Variants in GXYLT2 observed in about 807,000 individuals in gnomAD.
The protein encoded by GXYLT2 is glucoside xylosyltransferase 2, also known as glycosyltransferase 8 domain containing 4.
GXYLT2 carries 53 observed loss-of-function variants against 45.8 expected under a neutral mutation model. The observed-to-expected ratio is 1.16, with a 90% CI of 0.93 to 1.46. The LOEUF (loss-of-function observed/expected upper bound fraction) is 1.46, where lower values mean the gene tolerates loss of function less well. GXYLT2 is among the 40% of genes most tolerant of loss of function. GXYLT2 has a pLI of 0.00. For missense variants in GXYLT2, 551 were observed against 544.4 expected (o/e 1.01, Z -0.12); for synonymous variants, 219 against 214.2 (o/e 1.02, Z -0.19).
intron 2 of GXYLT2, among the ~76,000 whole-genome samples, chr3:72,914,982 G>T (rs148062002): frequency 0.011 from 1,671 of 152,080 alleles, 40 homozygotes; most frequent in African/African-American, 0.038. Flanking sequence ...GTTTGAGCCC[G>T]TCTCTACTAA....
At chr3:72,897,070 G>A (rs999758727) in intron 1 of GXYLT2, among the ~76,000 whole-genome samples, 2 of 152,060 alleles carry the variant, frequency 1.3e-5, no homozygotes, top group African/African-American at 4.8e-5. Context: ...AATATGCCAC[G>A]TACCTTATTA....
At chr3:72,900,224 T>C (rs4274693) in intron 1 of GXYLT2, among the ~76,000 whole-genome samples, 44,347 of 152,130 alleles carry the variant, frequency 0.29, 6,900 homozygotes, top group Non-Finnish European at 0.34. Context: ...AAGTCGCACG[T>C]TTGAGACTTT....
intron 3 of GXYLT2, among the ~76,000 whole-genome samples, chr3:72,943,755 G>A (rs776681480): frequency 1.7e-4 from 26 of 152,196 alleles, no homozygotes; most frequent in Admixed American, 4.6e-4. Context: ...GTCCAGTTCT[G>A]TGGCATTAAG....
chr3:72,944,019 TA>T lies in GXYLT2; in HGVS notation c.601-11078del, dbSNP rs552196599. 5.9e-5 allele frequency among the ~76,000 whole-genome samples: 9 copies of T among 152,312 alleles called. No individual in the cohort carries two copies. In the East Asian group the frequency reaches 1.5e-3, roughly 26 times the overall value. ...TTTCTTTAGTTATAATTTGATTTTT[TA>T]TACATCAAGACTGTGACTTTCTGAT... On this transcript the variant is annotated intron_variant, in intron 3 of 6. Coordinates refer to ENST00000389617, the MANE Select transcript of GXYLT2 (RefSeq NM_001080393.2).
At chr3:72,900,518 G>A (rs1709383843) in intron 1 of GXYLT2, among the ~76,000 whole-genome samples, 1 of 151,926 alleles carries the variant, frequency 6.6e-6, no homozygotes, top group Admixed American at 6.6e-5. Context: ...CAGTTCAAGC[G>A]ATTCTCCTGC....
intron 3 of GXYLT2, among the ~76,000 whole-genome samples, chr3:72,940,018 C>T (rs1004289636): frequency 2.0e-5 from 3 of 152,012 alleles, no homozygotes; most frequent in African/African-American, 7.3e-5. Flanking sequence ...AATGGCCAGG[C>T]GCTGTGGCTC....
chr3:72,959,375 C>T (rs1311400728), intron 5 of GXYLT2, among the ~76,000 whole-genome samples: 1 of 151,804 alleles, frequency 6.6e-6, no homozygotes, highest in Non-Finnish European at 1.5e-5. Flanking sequence ...GCCTCGGCCT[C>T]CCAAAGTGTT....
intron 6 of GXYLT2, among the ~76,000 whole-genome samples, chr3:72,972,930 T>C (rs1426439406): frequency 1.3e-5 from 2 of 151,484 alleles, no homozygotes; most frequent in African/African-American, 4.9e-5. Flanking sequence ...CTTTGCCTCT[T>C]TAGGAAAAAA....
chr3:72,932,614 A>T (rs1020551821), intron 3 of GXYLT2, among the ~76,000 whole-genome samples: 3 of 152,220 alleles, frequency 2.0e-5, no homozygotes, highest in Non-Finnish European at 4.4e-5. Flanking sequence ...TTACCACAAG[A>T]GAGTGGCTCT....
chr3:72,974,241 A>T (rs1480765949), intron 6 of GXYLT2, among the ~76,000 whole-genome samples: 5 of 152,210 alleles, frequency 3.3e-5, no homozygotes, highest in Non-Finnish European at 5.9e-5. Context: ...GACGTATTCC[A>T]TGAAGAAAAC....
intron 3 of GXYLT2, among the ~76,000 whole-genome samples, chr3:72,925,294 T>C (rs1709897972): frequency 6.6e-6 from 1 of 151,906 alleles, no homozygotes; most frequent in South Asian, 2.1e-4. Flanking sequence ...GTAGCTGGGA[T>C]TTTGGCGCAT....
chr3:72,940,816 G>C (rs1026205000), intron 3 of GXYLT2, among the ~76,000 whole-genome samples: 4 of 152,008 alleles, frequency 2.6e-5, no homozygotes, highest in South Asian at 2.1e-4. Flanking sequence ...TGAGTAGCTG[G>C]AATTACCCAC....
intron 3 of GXYLT2, among the ~76,000 whole-genome samples, chr3:72,948,400 G>A (rs377054053): frequency 1.3e-5 from 2 of 152,304 alleles, no homozygotes; most frequent in African/African-American, 4.8e-5. Flanking sequence ...CGAAAAGATG[G>A]CAATCCTGCA....
chr3:72,930,368 G>A (rs1429340174), intron 3 of GXYLT2, among the ~76,000 whole-genome samples: 2 of 151,698 alleles, frequency 1.3e-5, no homozygotes, highest in African/African-American at 4.8e-5. Flanking sequence ...TGGGCGTGGT[G>A]GCATGTGCCT....
Position 72,896,460 on chromosome 3 carries a change from C to G in GXYLT2, c.275+7952C>G, listed in dbSNP as rs547968196. ...AAGATGCAGATTCAAGCAGCCTTTT[C>G]TTGTGGGGGTAGGTATGACTTGAGG... is the stretch of plus-strand genomic sequence containing the variant. On this transcript the variant is annotated intron_variant, in intron 1 of 6. Transcript: ENST00000389617. Among the ~76,000 whole-genome samples, 4 of 152,224 alleles carry G rather than the reference C, an allele frequency of 2.6e-5. No individual in the cohort carries two copies. In the East Asian group the frequency reaches 7.7e-4, roughly 29 times the overall value.
At chr3:72,954,807 T>C (rs1180653023) in intron 3 of GXYLT2, among the ~76,000 whole-genome samples, 1 of 152,172 alleles carries the variant, frequency 6.6e-6, no homozygotes, top group East Asian at 1.9e-4. Flanking sequence ...ATGTTTTCTT[T>C]TTTTTGTAAG....
intron 3 of GXYLT2, among the ~76,000 whole-genome samples, chr3:72,941,807 AG>A (rs1710305033): frequency 6.6e-6 from 1 of 152,190 alleles, no homozygotes; most frequent in South Asian, 2.1e-4. Flanking sequence ...AATAAGAAAA[AG>A]AAGTAATTAT....
chr3:72,899,391 G>T (rs1709358203), intron 1 of GXYLT2, among the ~76,000 whole-genome samples: 2 of 152,110 alleles, frequency 1.3e-5, no homozygotes, highest in Admixed American at 6.5e-5. Context: ...CACTCTCTTG[G>T]CATTATTCAT....
rs1341492624 is a variant in GXYLT2 at position 72,904,893 on chromosome 3, A to T, written c.276-3474A>T. On this transcript the variant is annotated intron_variant, in intron 1 of 6. Transcript: ENST00000389617. Reference sequence around the variant, plus strand: ...CTAAAGATACAAAAAAAAAAAAAAAAAAAAATTAACCAGGTGTGATGGCCT... The same window carrying T: ...CTAAAGATACAAAAAAAAAAAAAAATAAAAATTAACCAGGTGTGATGGCCT... 3.4e-4 allele frequency among the ~76,000 whole-genome samples: 49 copies of T among 145,564 alleles called. 1 individual carries two copies. Among genetic ancestry groups the T allele is most frequent in the African/African-American group, 1.2e-3 (47 of 40,198 alleles).
Sources: allele counts gnomAD v4.1 joint callset (sites outside exome capture counted in the v4.1 genomes callset), GRCh38; gene constraint gnomAD v4.1.1; transcripts MANE v1.5; gene names NCBI Gene and HGNC (gene_info 2026-07-23, HGNC 2026-07-21).